The following NFIA variants were observed in gnomAD, a reference collection of about 807,000 sequenced individuals.
NFIA encodes nuclear factor I A.
Under a neutral mutation model 62.8 loss-of-function variants are expected in NFIA, and 8 were observed. That is an observed-to-expected ratio of 0.13 (90% CI 0.07 to 0.23). The LOEUF is 0.23. Ranked by LOEUF, NFIA falls within the 10% of genes least tolerant of loss-of-function variation. The pLI is 1.00. For synonymous variants in NFIA, 235 were observed against 238.1 expected, an observed-to-expected ratio of 0.99 and a Z score of 0.12; for missense variants, 410 against 642.1, an observed-to-expected ratio of 0.64 and a Z score of 3.91.
chr1:61,368,876 A>T (rs114674208), intron 6 of NFIA, among the ~76,000 whole-genome samples: 2,929 of 152,320 alleles, frequency 0.019, 47 homozygotes, highest in Non-Finnish European at 0.026. Flanking sequence ...ATGATAGAAG[A>T]AGTATGAAAA....
At chr1:61,096,812 A>C (rs1646423904) in intron 2 of NFIA, among the ~76,000 whole-genome samples, 1 of 151,972 alleles carries the variant, frequency 6.6e-6, no homozygotes, top group Admixed American at 6.6e-5. Context: ...CGGCCTCTCA[A>C]AATGCTGGGA....
chr1:61,320,257 T>C (rs1660611909), intron 3 of NFIA, among the ~76,000 whole-genome samples: 1 of 152,178 alleles, frequency 6.6e-6, no homozygotes, highest in Non-Finnish European at 1.5e-5. Context: ...TTTCTGGTAC[T>C]TCTAAAATAC....
intron 3 of NFIA, among the ~76,000 whole-genome samples, chr1:61,319,746 G>A (rs1487904970): frequency 6.7e-6 from 1 of 149,172 alleles, no homozygotes; most frequent in African/African-American, 2.5e-5. Context: ...GAAGTAGAAT[G>A]GATATGGAAG....
intron 2 of NFIA, among the ~76,000 whole-genome samples, chr1:61,136,513 G>A (rs1337705466): frequency 6.6e-6 from 1 of 152,182 alleles, no homozygotes; most frequent in Non-Finnish European, 1.5e-5. Context: ...GCTGGGGGAG[G>A]TGCTGTGGAG....
chr1:61,265,661 G>T (rs1360083494), intron 2 of NFIA, among the ~76,000 whole-genome samples: 2 of 152,140 alleles, frequency 1.3e-5, no homozygotes, highest in African/African-American at 2.4e-5. Context: ...CGTAGAGAAG[G>T]TATATCTAAA....
intron 2 of NFIA, among the ~76,000 whole-genome samples, chr1:61,136,223 ACT>A (rs1647187865): frequency 1.3e-5 from 2 of 152,148 alleles, no homozygotes; most frequent in South Asian, 4.1e-4. Context: ...CTTTAATCAA[ACT>A]CTCTGCATTC....
At chr1:61,248,346 C>T (rs1298011765) in intron 2 of NFIA, among the ~76,000 whole-genome samples, 7 of 152,132 alleles carry the variant, frequency 4.6e-5, no homozygotes, top group Non-Finnish European at 5.9e-5. Context: ...TAAAAATGCA[C>T]AGAACTTCCT....
chr1:61,447,141 A>C (rs1336684702), intron 10 of NFIA, among the ~76,000 whole-genome samples: 1 of 152,216 alleles, frequency 6.6e-6, no homozygotes, highest in African/African-American at 2.4e-5. Context: ...AAAATTTAAA[A>C]AAAAATTGTG....
chr1:61,311,658 A>C (rs904458254), intron 3 of NFIA, among the ~76,000 whole-genome samples: 1 of 152,200 alleles, frequency 6.6e-6, no homozygotes, highest in African/African-American at 2.4e-5. Context: ...CCTGGGGGCA[A>C]ATCACCCCAA....
At chr1:61,377,033 A>G (rs531554507) in intron 6 of NFIA, among the ~76,000 whole-genome samples, 17 of 152,132 alleles carry the variant, frequency 1.1e-4, no homozygotes, top group Non-Finnish European at 2.2e-4. Context: ...CTTGGCCAAC[A>G]TGGTGAAACC....
chr1:61,202,363 A>G (rs1440397398), intron 2 of NFIA, among the ~76,000 whole-genome samples: 1 of 152,192 alleles, frequency 6.6e-6, no homozygotes, highest in Non-Finnish European at 1.5e-5. Flanking sequence ...TTGTATATAT[A>G]AGATTCATAT....
chr1:61,169,382 C>T lies in NFIA; in HGVS notation c.559+80702C>T, dbSNP rs565102907. ...TCACCCTGCATTCTCTTAGTTTGTCCCCCCAAGGAATGCTCTTCTTTCCAT... is the reference window on the plus strand; with the variant it reads ...TCACCCTGCATTCTCTTAGTTTGTCTCCCCAAGGAATGCTCTTCTTTCCAT... On this transcript the variant is annotated intron_variant, in intron 2 of 10. Coordinates refer to ENST00000403491, the MANE Select transcript of NFIA (RefSeq NM_001134673.4). Among the ~76,000 whole-genome samples, 8 of 152,220 alleles carry T rather than the reference C, an allele frequency of 5.3e-5. 1 individual carries two copies. The South Asian group carries it at 1.7e-3, about 32-fold the overall frequency.
At chr1:61,325,363 TATTA>T (rs1223735474) in intron 3 of NFIA, among the ~76,000 whole-genome samples, 2 of 152,254 alleles carry the variant, frequency 1.3e-5, no homozygotes, top group Non-Finnish European at 2.9e-5. Context: ...GAGAATGAAA[TATTA>T]ATTCACTCAG....
At position 61,260,962 on chromosome 1, in the gene NFIA, T is replaced by G. The variant is rs199974010; in HGVS notation, c.560-16558T>G. Reference sequence around the variant, plus strand: ...ATCAGTATATCTATGACACAATTTCTAAAGTTATTTAGTGTTTGTCAGTGA... The same window carrying G: ...ATCAGTATATCTATGACACAATTTCGAAAGTTATTTAGTGTTTGTCAGTGA... On this transcript the variant is annotated intron_variant, in intron 2 of 10. Transcript: ENST00000403491. Among the ~76,000 whole-genome samples, 3 of 152,228 alleles carry G rather than the reference T, an allele frequency of 2.0e-5. No homozygotes were observed. The East Asian group carries it at 5.8e-4, about 29-fold the overall frequency.
intron 10 of NFIA, among the ~76,000 whole-genome samples, chr1:61,429,431 A>AGC (rs1667006328): frequency 6.6e-6 from 1 of 152,174 alleles, no homozygotes; most frequent in South Asian, 2.1e-4. Context: ...CCACTGTATT[A>AGC]TGTTACTGCC....
intron 2 of NFIA, among the ~76,000 whole-genome samples, chr1:61,252,517 T>C (rs918805221): frequency 6.6e-6 from 1 of 152,226 alleles, no homozygotes; most frequent in Non-Finnish European, 1.5e-5. Flanking sequence ...TCAGATTACA[T>C]GTCAGTGAGA....
At chr1:61,443,987 G>C (rs1667698574) in intron 10 of NFIA, among the ~76,000 whole-genome samples, 1 of 152,164 alleles carries the variant, frequency 6.6e-6, no homozygotes, top group Admixed American at 6.5e-5. Flanking sequence ...TTATTGGCTG[G>C]AAAATCCCTG....
intron 2 of NFIA, among the ~76,000 whole-genome samples, chr1:61,146,093 G>A (rs1647916413): frequency 6.6e-6 from 1 of 152,170 alleles, no homozygotes; most frequent in African/African-American, 2.4e-5. Flanking sequence ...GGGAGAACCT[G>A]TTCCTTGGGC....
At chr1:61,442,640 A>G (rs1436041136) in intron 10 of NFIA, among the ~76,000 whole-genome samples, 1 of 152,226 alleles carries the variant, frequency 6.6e-6, no homozygotes, top group Non-Finnish European at 1.5e-5. Flanking sequence ...GCAGGGGTCC[A>G]AAGGACAGTG....
Sources: allele counts gnomAD v4.1 joint callset (sites outside exome capture counted in the v4.1 genomes callset), GRCh38; gene constraint gnomAD v4.1.1; transcripts MANE v1.5; gene names NCBI Gene and HGNC (gene_info 2026-07-23, HGNC 2026-07-21).